Variants in ERC2 observed in about 807,000 individuals in gnomAD.
ERC2 encodes ERC protein 2.
A neutral mutation model predicts 114.8 loss-of-function variants in ERC2; 42 were observed. The ratio of observed to expected loss-of-function variants is 0.37; its 90% CI spans 0.29 to 0.47. The LOEUF (loss-of-function observed/expected upper bound fraction) is 0.47, where lower values mean the gene tolerates loss of function less well. Among genes scored for constraint, ERC2 ranks in the 20% least tolerant of loss-of-function variants. The pLI, the probability that ERC2 is intolerant of heterozygous loss-of-function variation, is 0.99. For missense variants in ERC2, 939 were observed against 1,150.7 expected, an observed-to-expected ratio of 0.82 and a Z score of 2.66; for synonymous variants, 454 against 425.5, an observed-to-expected ratio of 1.07 and a Z score of -0.82.
intron 17 of ERC2, among the ~76,000 whole-genome samples, chr3:55,651,641 G>C (rs937611813): frequency 1.8e-4 from 28 of 152,242 alleles, no homozygotes; most frequent in Admixed American, 6.5e-4. Flanking sequence ...TTGAATATGT[G>C]GCTCAGTCTT....
At chr3:56,068,514 T>G (rs1237121969) in intron 7 of ERC2, among the ~76,000 whole-genome samples, 1 of 152,192 alleles carries the variant, frequency 6.6e-6, no homozygotes, top group East Asian at 1.9e-4. Context: ...TTCATGATTT[T>G]TTTGAAGGAT....
At chr3:56,065,902 T>C (rs1014524410) in intron 7 of ERC2, among the ~76,000 whole-genome samples, 1 of 152,192 alleles carries the variant, frequency 6.6e-6, no homozygotes, top group African/African-American at 2.4e-5. Flanking sequence ...GGCTGCATAG[T>C]ATTCCATGGT....
Position 56,268,591 on chromosome 3 carries a change from T to C in ERC2, c.1074+27428A>G, listed in dbSNP as rs115856268. On this transcript the variant is annotated intron_variant, in intron 3 of 17. Transcript: ENST00000288221. ...CAGTATTCCAGAATAATACAGAATT[T>C]ATATTTGCTAACTTACAAAATAAAT... Among the ~76,000 whole-genome samples the C allele has an allele frequency of 1.4e-3, 215 of 152,330 alleles. 1 individual carries two copies. The highest frequency in any genetic ancestry group is 5.0e-3 in the African/African-American group (207 of 41,586).
At chr3:56,005,484 C>T (rs561509861) in intron 10 of ERC2, among the ~76,000 whole-genome samples, 5 of 152,062 alleles carry the variant, frequency 3.3e-5, no homozygotes, top group South Asian at 2.1e-4. Flanking sequence ...AGTCATTACA[C>T]GAAAAGTATA....
chr3:56,035,736 G>A (rs993649542), intron 7 of ERC2, among the ~76,000 whole-genome samples: 1 of 152,180 alleles, frequency 6.6e-6, no homozygotes, highest in Non-Finnish European at 1.5e-5. Context: ...CAGGCACTTT[G>A]AATTGGACTT....
At chr3:56,240,574 C>A (rs2051259766) in intron 3 of ERC2, among the ~76,000 whole-genome samples, 1 of 151,626 alleles carries the variant, frequency 6.6e-6, no homozygotes, top group South Asian at 2.1e-4. Flanking sequence ...TTTAAGACAC[C>A]AACAATTATA....
intron 7 of ERC2, among the ~76,000 whole-genome samples, chr3:56,072,630 G>T (rs1227129415): frequency 1.3e-5 from 2 of 151,908 alleles, no homozygotes; most frequent in African/African-American, 4.8e-5. Context: ...CAAATGACTA[G>T]ATCAAATGTA....
chr3:55,808,701 T>TTATA (rs377604698), intron 14 of ERC2, among the ~76,000 whole-genome samples: 2,513 of 61,162 alleles, frequency 0.041, 41 homozygotes, highest in East Asian at 0.069. Flanking sequence ...TACCATAATT[T>TTATA]TATATATATA....
In ERC2 at chr3:55,847,953, C is replaced by T. The variant is rs140812600; in HGVS notation, c.2564+40436G>A. On this transcript the variant is annotated intron_variant, in intron 14 of 17. Coordinates refer to ENST00000288221, the MANE Select transcript of ERC2 (RefSeq NM_015576.3). ...AGCTGTAACCACAGATGTGCCACCACGCCTGGCTAATTATTTTATTTTTTG... is the reference window on the plus strand; with the variant it reads ...AGCTGTAACCACAGATGTGCCACCATGCCTGGCTAATTATTTTATTTTTTG... Among the ~76,000 whole-genome samples, 77 of 152,156 alleles carry T rather than the reference C, an allele frequency of 5.1e-4. No homozygotes were observed. In the East Asian group the frequency reaches 0.014, roughly 27 times the overall value.
At chr3:55,736,963 G>C (rs987983567) in intron 14 of ERC2, among the ~76,000 whole-genome samples, 1 of 152,060 alleles carries the variant, frequency 6.6e-6, no homozygotes, top group African/African-American at 2.4e-5. Context: ...TCCACCATTT[G>C]TGTCTCTTCT....
chr3:55,881,738 T>C (rs1430037956), intron 14 of ERC2, among the ~76,000 whole-genome samples: 1 of 152,184 alleles, frequency 6.6e-6, no homozygotes, highest in African/African-American at 2.4e-5. Flanking sequence ...CTGGCATTAA[T>C]AAAATCAAAC....
intron 10 of ERC2, among the ~76,000 whole-genome samples, chr3:56,002,566 C>G (rs1377425766): frequency 6.6e-6 from 1 of 152,112 alleles, no homozygotes; most frequent in Non-Finnish European, 1.5e-5. Flanking sequence ...TTGTTACTAT[C>G]TGTTATTAGG....
At chr3:56,429,137 TC>T (rs2061689183) in intron 2 of ERC2, among the ~76,000 whole-genome samples, 1 of 152,192 alleles carries the variant, frequency 6.6e-6, no homozygotes, top group African/African-American at 2.4e-5. Context: ...ATGTATTCAC[TC>T]CTATGTTTCC....
At chr3:56,056,359 G>A (rs7636594) in intron 7 of ERC2, among the ~76,000 whole-genome samples, 57,135 of 152,050 alleles carry the variant, frequency 0.38, 11,322 homozygotes, top group East Asian at 0.55. Context: ...TGCTTGCTAT[G>A]ACTTTGTTTC....
At chr3:55,683,950 A>G in intron 16 of ERC2, 91 bp from the exon 17 acceptor site, 1 of 1,370,370 alleles carries the variant, frequency 7.3e-7, no homozygotes. Flanking sequence ...GATGCACTGG[A>G]AAGGCACACT....
At chr3:55,615,029 T>C (rs777891303) in intron 17 of ERC2, among the ~76,000 whole-genome samples, 6 of 152,258 alleles carry the variant, frequency 3.9e-5, no homozygotes, top group Admixed American at 1.3e-4. Flanking sequence ...TTGATACTTA[T>C]TGATGTTTAA....
chr3:56,465,786 T>C (rs1313747126), intron 1 of ERC2, among the ~76,000 whole-genome samples: 1 of 152,280 alleles, frequency 6.6e-6, no homozygotes, highest in Non-Finnish European at 1.5e-5. Context: ...GTTACTAAAT[T>C]TGCCTATTGG....
intron 2 of ERC2, among the ~76,000 whole-genome samples, chr3:56,379,069 C>T (rs954918650): frequency 1.3e-5 from 2 of 152,146 alleles, no homozygotes; most frequent in Non-Finnish European, 2.9e-5. Flanking sequence ...ATCACTGATA[C>T]TTTACATTCT....
At chr3:55,614,424 T>C (rs1412361753) in intron 17 of ERC2, among the ~76,000 whole-genome samples, 1 of 152,322 alleles carries the variant, frequency 6.6e-6, no homozygotes, top group East Asian at 1.9e-4. Flanking sequence ...CAGCCCTCAC[T>C]ACTCTCCAGT....
Sources: allele counts gnomAD v4.1 joint callset (sites outside exome capture counted in the v4.1 genomes callset), GRCh38; gene constraint gnomAD v4.1.1; transcripts MANE v1.5; gene names NCBI Gene and HGNC (gene_info 2026-07-23, HGNC 2026-07-21).